Variants in PDE4D observed in about 807,000 individuals in gnomAD.
PDE4D encodes the protein phosphodiesterase 4D.
In PDE4D, 24 loss-of-function variants were observed where a neutral mutation model predicts 87.4. The observed-to-expected ratio is 0.27, with a 90% CI of 0.20 to 0.39. The LOEUF (loss-of-function observed/expected upper bound fraction) is 0.39. Among genes scored for constraint, PDE4D ranks in the 10% least tolerant of loss-of-function variants. The probability of loss-of-function intolerance (pLI) is 1.00; values close to 1 mark genes in which losing one functional copy is unlikely to be tolerated. For missense variants in PDE4D, 714 were observed against 1,041.0 expected, an observed-to-expected ratio of 0.69 and a Z score of 4.32; for synonymous variants, 384 against 383.2, an observed-to-expected ratio of 1.00 and a Z score of -0.02.
At chr5:60,004,560 G>A (rs1425454661) in intron 2 of PDE4D, among the ~76,000 whole-genome samples, 4 of 151,772 alleles carry the variant, frequency 2.6e-5, no homozygotes, top group Non-Finnish European at 4.4e-5. Context: ...ATAACCCACA[G>A]ATACAAAGGG....
intron 2 of PDE4D, among the ~76,000 whole-genome samples, chr5:60,004,971 G>A (rs968457991): frequency 4.6e-5 from 7 of 152,126 alleles, no homozygotes; most frequent in Non-Finnish European, 8.8e-5. Flanking sequence ...CAAAGGAAAT[G>A]AAAGGAGCAT....
chr5:59,470,789 T>C (rs950936862), intron 1 of PDE4D, among the ~76,000 whole-genome samples: 3 of 152,184 alleles, frequency 2.0e-5, no homozygotes, highest in Admixed American at 1.3e-4. Context: ...AAAAATGTAC[T>C]TCAGAAAAGT....
At chr5:59,958,234 T>TC (rs1759073005) in intron 3 of PDE4D, among the ~76,000 whole-genome samples, 1 of 152,200 alleles carries the variant, frequency 6.6e-6, no homozygotes, top group Admixed American at 6.5e-5. Flanking sequence ...TAAACTTTGA[T>TC]ATTATTAGAT....
At chr5:60,466,396 T>C (rs781133908) in intron 1 of PDE4D, among the ~76,000 whole-genome samples, 2 of 152,236 alleles carry the variant, frequency 1.3e-5, no homozygotes, top group Non-Finnish European at 2.9e-5. Context: ...TTCAATTTTA[T>C]AGTTCTTCTT....
chr5:59,958,435 C>T (rs116375620), intron 3 of PDE4D, among the ~76,000 whole-genome samples: 1,748 of 152,162 alleles, frequency 0.011, 12 homozygotes, highest in Non-Finnish European at 0.017. Context: ...CAGCAGTGAT[C>T]CCAAATGACT....
rs149891866 is a variant in PDE4D, at chr5:59,420,519, A to T, written c.456-204551T>A. 5.9e-3 allele frequency among the ~76,000 whole-genome samples: 899 copies of T among 152,274 alleles called. 2 individuals are homozygous for T. The highest frequency in any genetic ancestry group is 9.1e-3 in the Non-Finnish European group (622 of 68,020). On this transcript the variant is annotated intron_variant, in intron 1 of 14. Transcript: ENST00000340635. ...AGAATTCAAGTGGGTTTTTCCCCAG[A>T]GGGAAGACTTTGCTGACGAAATGAA...
At chr5:59,607,703 A>C (rs1177543886) in intron 1 of PDE4D, among the ~76,000 whole-genome samples, 1 of 152,056 alleles carries the variant, frequency 6.6e-6, no homozygotes, top group East Asian at 1.9e-4. Flanking sequence ...AGCATACTAT[A>C]ATTAGAGGTA....
chr5:59,590,842 T>C (rs1461368574), intron 1 of PDE4D, among the ~76,000 whole-genome samples: 1 of 152,124 alleles, frequency 6.6e-6, no homozygotes, highest in Admixed American at 6.5e-5. Context: ...CCAAAATACT[T>C]TCAACATTTT....
At chr5:60,355,143 GC>G (rs1561156943) in intron 1 of PDE4D, among the ~76,000 whole-genome samples, 2 of 152,248 alleles carry the variant, frequency 1.3e-5, no homozygotes, top group Admixed American at 6.5e-5. Context: ...GAAATTATGT[GC>G]CACTACTGCA....
chr5:58,975,156 GC>G lies in PDE4D; in HGVS notation c.2014-77del. 1 of 863,010 alleles carries G rather than the reference GC, an allele frequency of 1.2e-6. No individual in the cohort carries two copies. The highest frequency in any genetic ancestry group is 1.7e-6 in the Non-Finnish European group (1 of 603,394). The allele number at this position is 863,010 out of a possible 1,614,324, so 53.5% of individuals were successfully genotyped here. ...AATGGAAAAGCTTAATTAGATCATG[GC>G]CCACAAATAAAACACTGAACAGAAG... is the stretch of plus-strand genomic sequence containing the variant. On this transcript the variant is annotated intron_variant, in intron 14 of 14. Coordinates refer to ENST00000340635, the MANE Select transcript of PDE4D (RefSeq NM_001104631.2). The surrounding 1 kb of genome is among the most constrained non-coding windows in gnomAD (Gnocchi z 4.2).
At position 60,044,417 on chromosome 5, in the gene PDE4D, G is replaced by A. The variant is rs111401214; in HGVS notation, c.43-55700C>T. Among the ~76,000 whole-genome samples the A allele has an allele frequency of 2.0e-5, 3 of 152,020 alleles. 1 individual carries two copies. Among genetic ancestry groups the A allele is most frequent in the African/African-American group, 7.2e-5 (3 of 41,442 alleles). ...TTAGGGTACATGTGCACAATGTGCAGGTTAGTTACATATGTATACATGTGC... is the reference window on the plus strand; with the variant it reads ...TTAGGGTACATGTGCACAATGTGCAAGTTAGTTACATATGTATACATGTGC... On this transcript the variant is annotated intron_variant, in intron 2 of 16. Transcript: ENST00000502484.
intron 1 of PDE4D, among the ~76,000 whole-genome samples, chr5:59,746,438 A>G (rs1204982438): frequency 1.3e-5 from 2 of 152,160 alleles, no homozygotes; most frequent in African/African-American, 4.8e-5. Flanking sequence ...TGTTTCTGGA[A>G]CTAATTAAAT....
At chr5:59,394,479 T>C (rs1788925090) in intron 1 of PDE4D, among the ~76,000 whole-genome samples, 1 of 152,226 alleles carries the variant, frequency 6.6e-6, no homozygotes, top group Admixed American at 6.5e-5. Flanking sequence ...TAATTAATGT[T>C]ACCATTAATG....
At chr5:59,122,951 A>G (rs1208075489) in intron 5 of PDE4D, among the ~76,000 whole-genome samples, 1 of 152,178 alleles carries the variant, frequency 6.6e-6, no homozygotes, top group African/African-American at 2.4e-5. Context: ...ATTGAGACTA[A>G]TGGAGTCAAA....
intron 1 of PDE4D, among the ~76,000 whole-genome samples, chr5:59,479,245 A>T (rs1803827320): frequency 6.6e-6 from 1 of 152,002 alleles, no homozygotes; most frequent in South Asian, 2.1e-4. Context: ...GGACTTTTGC[A>T]TACTTTACAA....
intron 1 of PDE4D, among the ~76,000 whole-genome samples, chr5:60,333,649 C>T (rs1377792290): frequency 6.6e-6 from 1 of 152,214 alleles, no homozygotes; most frequent in Non-Finnish European, 1.5e-5. Context: ...ATTTCTGCTA[C>T]ATTTAAACCT....
intron 1 of PDE4D, among the ~76,000 whole-genome samples, chr5:59,670,086 G>C (rs1052421037): frequency 2.6e-5 from 4 of 152,126 alleles, no homozygotes; most frequent in African/African-American, 9.7e-5. Context: ...TGGGAGTGTT[G>C]ATAGAATGTA....
intron 1 of PDE4D, among the ~76,000 whole-genome samples, chr5:59,309,962 G>T (rs982360483): frequency 6.6e-6 from 1 of 152,156 alleles, no homozygotes; most frequent in Admixed American, 6.5e-5. Context: ...CTGCTTACGT[G>T]AGGTCTTCTT....
At chr5:59,188,128 G>A (rs71626140) in intron 3 of PDE4D, among the ~76,000 whole-genome samples, 28,578 of 151,888 alleles carry the variant, frequency 0.19, 2,933 homozygotes, top group African/African-American at 0.27. Flanking sequence ...CCCTGAATTC[G>A]ACTCTTTAAG....
Sources: allele counts gnomAD v4.1 joint callset (sites outside exome capture counted in the v4.1 genomes callset), GRCh38; gene constraint gnomAD v4.1.1; non-coding constraint Gnocchi (gnomAD v3.1); transcripts MANE v1.5; gene names NCBI Gene and HGNC (gene_info 2026-07-23, HGNC 2026-07-21).